The following DNAJB7 variants were observed in gnomAD, a reference collection of about 807,000 sequenced individuals.
DNAJB7 encodes DnaJ heat shock protein family (Hsp40) member B7.
DNAJB7 carries 1 observed loss-of-function variant against 1.2 expected under a neutral mutation model. That is an observed-to-expected ratio of 0.84 (90% confidence interval 0.30 to 4.01). DNAJB7 has a LOEUF of 4.01. Ranked by LOEUF, DNAJB7 falls within the 30% of genes most tolerant of loss-of-function variation. The pLI is 0.18. For missense variants in DNAJB7, 420 were observed against 358.5 expected, an observed-to-expected ratio of 1.17 and a Z score of -1.39; for synonymous variants, 128 against 127.7, an observed-to-expected ratio of 1.00 and a Z score of -0.01.
At chr22:40,861,489 G>GT in the DNAJB7 span, 1 of 1,614,078 alleles carries the variant, frequency 6.2e-7, no homozygotes, top group East Asian at 2.2e-5. Context: ...AGAGAAAGAA[G>GT]TAAGGCCTTC....
At position 40,861,962 on chromosome 22, in the gene DNAJB7, T is replaced by C; in HGVS notation, c.33A>G (p.Gln11=). The change falls in exon 1 of 1, where the codon CAA becomes CAG. Residue 11 remains glutamine, a synonymous_variant. Transcript: ENST00000307221. MVDYYEVLGL[Q]RYASPEDIKK... The stretch of plus-strand genomic sequence containing the variant: ...TAATGTCCTCAGGTGAAGCATATCT[T>C]TGCAGTCCTAGAACTTCATAGTAAT... 6.2e-7 allele frequency: 1 copy of C among 1,609,150 alleles called. No homozygotes were observed. Among genetic ancestry groups the C allele is most frequent in the Non-Finnish European group, 8.5e-7 (1 of 1,178,418 alleles).
chr22:40,860,554 T>C lies in DNAJB7; in HGVS notation c.*511A>G. 2 of 940,966 alleles carry C rather than the reference T, an allele frequency of 2.1e-6. No homozygotes were observed. The highest frequency in any genetic ancestry group is 2.9e-6 in the Non-Finnish European group (2 of 690,004). 58.3% of individuals were successfully genotyped at this position (940,966 alleles called of 1,614,324 possible). ...GTCTTCTAATGCTATGCATGTTTCG[T>C]AAGTTTGTATAGTGGTTTTAATTAG... On this transcript the variant is annotated 3_prime_UTR_variant, in exon 1 of 1. Transcript: ENST00000307221.
chr22:40,861,227 A>G lies in DNAJB7; in HGVS notation c.768T>C (p.His256=), dbSNP rs2057943841. ...NYSPNSHSSK[H]VSQYTFVDND... ...TGTCCACGAAAGTATATTGAGATAC[A>G]TGTTTGGAGCTGTGAGAATTTGGTG... The change falls in exon 1 of 1, where the codon CAT becomes CAC. Residue 256 remains histidine, a synonymous_variant. Transcript: ENST00000307221. The G allele has an allele frequency of 2.5e-6, 4 of 1,614,072 alleles. No homozygotes were observed. Among genetic ancestry groups the G allele is most frequent in the Non-Finnish European group, 3.4e-6 (4 of 1,180,008 alleles).
In DNAJB7 at chr22:40,861,981, T is replaced by C; in HGVS notation, c.14A>G (p.Tyr5Cys). The C allele has an allele frequency of 6.3e-7, 1 of 1,595,662 alleles. No individual in the cohort carries two copies. The highest frequency in any genetic ancestry group is 1.1e-5 in the South Asian group (1 of 87,536). The change falls in exon 1 of 1, where the codon TAT (tyrosine) becomes TGT (cysteine). Residue 5 changes from tyrosine (Y) to cysteine (C), a missense_variant. Tyr to Cys is a radical substitution (Grantham distance 194). Transcript: ENST00000307221. ...ATATCTTTGCAGTCCTAGAACTTCA[T>C]AGTAATCCACCATGTTTTAACAGAT... The part of the protein sequence containing the change: MVDY[Y>C]EVLGLQRYAS...
In DNAJB7 at chr22:40,860,703, A is replaced by C; in HGVS notation, c.*362T>G. 9.3e-7 allele frequency: 1 copy of C among 1,077,958 alleles called. No individual in the cohort carries two copies. Among genetic ancestry groups the C allele is most frequent in the Non-Finnish European group, 1.3e-6 (1 of 755,300 alleles). The allele number at this position is 1,077,958 out of a possible 1,614,324, so 66.8% of individuals were successfully genotyped here. On this transcript the variant is annotated 3_prime_UTR_variant, in exon 1 of 1. Transcript: ENST00000307221. ...GGTCTTACTTTGTCACCCAAGCTGG[A>C]GTGCAGTGGCGTGATCCCATTACAC...
In DNAJB7 at chr22:40,860,806, A is replaced by G. The variant is rs1163501443; in HGVS notation, c.*259T>C. On this transcript the variant is annotated 3_prime_UTR_variant, in exon 1 of 1. Coordinates refer to ENST00000307221, the MANE Select transcript of DNAJB7 (RefSeq NM_145174.2). ...GCTGGGACTACAGGTGCACACCACCACACTTGGCTAATTTTTAAATTTTTT... is the reference window on the plus strand; with the variant it reads ...GCTGGGACTACAGGTGCACACCACCGCACTTGGCTAATTTTTAAATTTTTT... 1.4e-5 allele frequency: 9 copies of G among 637,314 alleles called. No homozygotes were observed. Among genetic ancestry groups the G allele is most frequent in the Non-Finnish European group, 2.3e-5 (9 of 385,274 alleles). The allele number at this position is 637,314 out of a possible 1,614,324, so 39.5% of individuals were successfully genotyped here. A position where few individuals can be genotyped will look rare whatever the true frequency, so the allele number is the denominator to read the frequency against.
Position 40,861,170 on chromosome 22 carries a change from G to T in DNAJB7, c.825C>A (p.Ser275Arg). Residue 275 changes from serine (S) to arginine (R), a missense_variant, in exon 1 of 1, where the codon AGC becomes AGA. Coordinates refer to ENST00000307221, the MANE Select transcript of DNAJB7 (RefSeq NM_145174.2). ...CTGAGAAAATAGGGGGATCTCTGTT[G>T]CTGGTAACCCAAGATATACCTCCCT... ...NDEGGISWVT[S>R]NRDPPIFSAG... The T allele has an allele frequency of 6.2e-7, 1 of 1,613,934 alleles. No homozygotes were observed. The highest frequency in any genetic ancestry group is 8.5e-7 in the Non-Finnish European group (1 of 1,179,980).
rs1188953302 is a variant in DNAJB7, at chr22:40,861,963, T to C, written c.32A>G (p.Gln11Arg). Residue 11 changes from glutamine to arginine, a missense_variant, in exon 1 of 1, where the codon CAA becomes CGA. Coordinates refer to ENST00000307221, the MANE Select transcript of DNAJB7 (RefSeq NM_145174.2). MVDYYEVLGL[Q>R]RYASPEDIKK... Reference sequence around the variant, plus strand: ...AATGTCCTCAGGTGAAGCATATCTTTGCAGTCCTAGAACTTCATAGTAATC... The same window carrying C: ...AATGTCCTCAGGTGAAGCATATCTTCGCAGTCCTAGAACTTCATAGTAATC... The C allele has an allele frequency of 6.2e-7, 1 of 1,608,898 alleles. No homozygotes were observed. Among genetic ancestry groups the C allele is most frequent in the Non-Finnish European group, 8.5e-7 (1 of 1,178,344 alleles).
Position 40,860,863 on chromosome 22 carries a change from C to A in DNAJB7, c.*202G>T. The A allele has an allele frequency of 1.5e-6, 1 of 668,402 alleles. No individual in the cohort carries two copies. The highest frequency in any genetic ancestry group is 2.4e-6 in the Non-Finnish European group (1 of 410,516). 41.4% of individuals were successfully genotyped at this position (668,402 alleles called of 1,614,324 possible). A position where few individuals can be genotyped will look rare whatever the true frequency, so the allele number is the denominator to read the frequency against. ...AAAAGATCTCACTATACTGCCCAGG[C>A]AAATTCTTATTAGCACCAACTGTCA... On this transcript the variant is annotated 3_prime_UTR_variant, in exon 1 of 1. Coordinates refer to ENST00000307221, the MANE Select transcript of DNAJB7 (RefSeq NM_145174.2).
chr22:40,861,293 T>G lies in DNAJB7; in HGVS notation c.702A>C (p.Ala234=). 6.2e-7 allele frequency: 1 copy of G among 1,614,194 alleles called. No individual in the cohort carries two copies. Among genetic ancestry groups the G allele is most frequent in the Non-Finnish European group, 8.5e-7 (1 of 1,180,024 alleles). The change falls in exon 1 of 1, where the codon GCA becomes GCC. Residue 234 remains alanine, a synonymous_variant. Transcript: ENST00000307221. ...VNSVANEEGF[A]KECSWRTQSF... ...ACTGTGTTCTCCAGCTGCATTCTTT[T>G]GCAAAGCCCTCTTCATTGGCCACAC...
Position 40,860,721 on chromosome 22 carries a change from C to G in DNAJB7, c.*344G>C, listed in dbSNP as rs141950713. The G allele has an allele frequency of 1.3e-4, 116 of 901,362 alleles. No homozygotes were observed. In the African/African-American group the frequency reaches 1.7e-3, roughly 13 times the overall value. The allele number at this position is 901,362 out of a possible 1,614,324, so 55.8% of individuals were successfully genotyped here. A position where few individuals can be genotyped will look rare whatever the true frequency, so the allele number is the denominator to read the frequency against. On this transcript the variant is annotated 3_prime_UTR_variant, in exon 1 of 1. Transcript: ENST00000307221. ...AAGCTGGAGTGCAGTGGCGTGATCC[C>G]ATTACACTGCAACCTATGTCTTCCA...
In DNAJB7 at chr22:40,861,977, T is replaced by A; in HGVS notation, c.18A>T (p.Glu6Asp). MVDYYEVLGLQRYASP... is the reference protein window; with the variant it reads MVDYYDVLGLQRYASP... ...AAGCATATCTTTGCAGTCCTAGAACTTCATAGTAATCCACCATGTTTTAAC... is the reference window on the plus strand; with the variant it reads ...AAGCATATCTTTGCAGTCCTAGAACATCATAGTAATCCACCATGTTTTAAC... The change falls in exon 1 of 1, where the codon GAA becomes GAT. Residue 6 changes from glutamate (E) to aspartate (D), a missense_variant. By Grantham distance (45) the Glu-to-Asp change is conservative (BLOSUM62 2). Transcript: ENST00000307221. The A allele has an allele frequency of 2.5e-6, 4 of 1,596,734 alleles. No individual in the cohort carries two copies. Among genetic ancestry groups the A allele is most frequent in the Non-Finnish European group, 3.4e-6 (4 of 1,174,084 alleles).
At position 40,860,933 on chromosome 22, in the gene DNAJB7, T is replaced by C. The variant is rs1268490195; in HGVS notation, c.*132A>G. The C allele has an allele frequency of 6.7e-6, 6 of 901,010 alleles. No homozygotes were observed. The highest frequency in any genetic ancestry group is 8.2e-6 in the Non-Finnish European group (5 of 613,346). The allele number at this position is 901,010 out of a possible 1,614,324, so 55.8% of individuals were successfully genotyped here. ...TGACATACCCATTCAAAAAAACTACTAACCAAATGTCCACAATCCTGCTAA... is the reference window on the plus strand; with the variant it reads ...TGACATACCCATTCAAAAAAACTACCAACCAAATGTCCACAATCCTGCTAA... On this transcript the variant is annotated 3_prime_UTR_variant, in exon 1 of 1. Transcript: ENST00000307221.
Position 40,861,194 on chromosome 22 carries a change from C to T in DNAJB7, c.801G>A (p.Glu267=), listed in dbSNP as rs2057943345. 1.2e-6 allele frequency: 2 copies of T among 1,613,988 alleles called. No homozygotes were observed. The highest frequency in any genetic ancestry group is 1.7e-6 in the Non-Finnish European group (2 of 1,180,024). Residue 267 remains glutamate (E), a synonymous_variant, in exon 1 of 1, where the codon GAG becomes GAA. Coordinates refer to ENST00000307221, the MANE Select transcript of DNAJB7 (RefSeq NM_145174.2). ...VSQYTFVDND[E]GGISWVTSNR... ...TGCTGGTAACCCAAGATATACCTCC[C>T]TCATCATTGTCCACGAAAGTATATT...
In DNAJB7 at chr22:40,861,177, A is replaced by G; in HGVS notation, c.818T>C (p.Val273Ala). The change falls in exon 1 of 1, where the codon GTT becomes GCT. Residue 273 changes from valine to alanine, a missense_variant. Transcript: ENST00000307221. Reference protein sequence around the residue: ...VDNDEGGISWVTSNRDPPIFS... With the variant: ...VDNDEGGISWATSNRDPPIFS... ...AATAGGGGGATCTCTGTTGCTGGTA[A>G]CCCAAGATATACCTCCCTCATCATT... 1.2e-6 allele frequency: 2 copies of G among 1,614,086 alleles called. No homozygotes were observed. Among genetic ancestry groups the G allele is most frequent in the Non-Finnish European group, 1.7e-6 (2 of 1,180,012 alleles).
chr22:40,862,052 G>C lies in DNAJB7; in HGVS notation c.-58C>G. ...GGTATTGAGAACCGTGGTTTCCTCA[G>C]CTCAGGCTCTGCTGGTGGTGGTGAT... On this transcript the variant is annotated 5_prime_UTR_variant, in exon 1 of 1. Coordinates refer to ENST00000307221, the MANE Select transcript of DNAJB7 (RefSeq NM_145174.2). 1.3e-6 allele frequency: 2 copies of C among 1,530,630 alleles called. No homozygotes were observed. The highest frequency in any genetic ancestry group is 2.7e-5 in the South Asian group (2 of 74,162). The allele number at this position is 1,530,630 out of a possible 1,614,324, so 94.8% of individuals were successfully genotyped here.
In DNAJB7 at chr22:40,861,783, T is replaced by C. The variant is rs376914931; in HGVS notation, c.212A>G (p.Glu71Gly). Residue 71 changes from glutamate (E) to glycine (G), a missense_variant, in exon 1 of 1, where the codon GAA becomes GGA. By Grantham distance (98) the Glu-to-Gly change is moderately conservative (BLOSUM62 -2). Coordinates refer to ENST00000307221, the MANE Select transcript of DNAJB7 (RefSeq NM_145174.2). ...KRDIYDKYGT[E>G]GLNGGGSHFD... is the part of the protein sequence containing the mutation. ...ATGACTTCCACCTCCGTTTAATCCTTCTGTGCCATATTTATCATAAATGTC... is the reference window on the plus strand; with the variant it reads ...ATGACTTCCACCTCCGTTTAATCCTCCTGTGCCATATTTATCATAAATGTC... 5.6e-6 allele frequency: 9 copies of C among 1,613,498 alleles called. No homozygotes were observed. The highest frequency in any genetic ancestry group is 4.0e-5 in the African/African-American group (3 of 74,834).
At position 40,860,814 on chromosome 22, in the gene DNAJB7, C is replaced by G. The variant is rs1569011489; in HGVS notation, c.*251G>C. 1 of 638,848 alleles carries G rather than the reference C, an allele frequency of 1.6e-6. No individual in the cohort carries two copies. The highest frequency in any genetic ancestry group is 1.9e-5 in the African/African-American group (1 of 53,812). The allele number at this position is 638,848 out of a possible 1,614,324, so 39.6% of individuals were successfully genotyped here. ...TACAGGTGCACACCACCACACTTGG[C>G]TAATTTTTAAATTTTTTGTAGAGAA... On this transcript the variant is annotated 3_prime_UTR_variant, in exon 1 of 1. Transcript: ENST00000307221.
rs1401307171 is a variant in DNAJB7 at position 40,861,583 on chromosome 22, A to C, written c.412T>G (p.Phe138Val). ...ATTGGATATTCACTGGCAGTGGAGA[A>C]AAAGTATCCTGCATCTCTGTTTCTG... ...GNRNRDAGYF[F>V]STASEYPIFE... Residue 138 changes from phenylalanine (F) to valine (V), a missense_variant, in exon 1 of 1, where the codon TTC becomes GTC. Phe to Val is a conservative substitution (Grantham distance 50). Coordinates refer to ENST00000307221, the MANE Select transcript of DNAJB7 (RefSeq NM_145174.2). The C allele has an allele frequency of 3.7e-6, 6 of 1,613,268 alleles. No individual in the cohort carries two copies. The highest frequency in any genetic ancestry group is 5.1e-6 in the Non-Finnish European group (6 of 1,179,840).
Sources: allele counts gnomAD v4.1 joint callset, GRCh38; gene constraint gnomAD v4.1.1; transcripts MANE v1.5; gene names NCBI Gene and HGNC (gene_info 2026-07-23, HGNC 2026-07-21).